MRTFB: variants seen among roughly 807,000 people sequenced by gnomAD.
MRTFB encodes the protein myocardin related transcription factor B.
In MRTFB, 29 loss-of-function variants were observed where a neutral mutation model predicts 104.2. The ratio of observed to expected loss-of-function variants is 0.28; its 90% CI spans 0.21 to 0.38. MRTFB has a LOEUF of 0.38. Among genes scored for constraint, MRTFB ranks in the 10% least tolerant of loss-of-function variants. The pLI, the probability that MRTFB is intolerant of heterozygous loss-of-function variation, is 1.00. For missense variants in MRTFB, 1,270 were observed against 1,341.6 expected (o/e 0.95, Z 0.83); for synonymous variants, 535 against 519.5 (o/e 1.03, Z -0.41).
At chr16:14,066,256 AT>A in the MRTFB span, among the ~76,000 whole-genome samples, 1,479 of 150,292 alleles carry the variant, frequency 9.8e-3, 23 homozygotes, top group African/African-American at 0.034. Context: ...ATTTTTATTG[AT>A]TTTTTTATTT....
chr16:14,256,126 A>G (rs2043472449), intron 15 of MRTFB, among the ~76,000 whole-genome samples: 1 of 145,470 alleles, frequency 6.9e-6, no homozygotes, highest in Admixed American at 6.7e-5. Context: ...AAAAAAAAAG[A>G]AAGAAAGAAA....
intron 2 of MRTFB, among the ~76,000 whole-genome samples, chr16:14,114,895 C>T (rs1004712514): frequency 2.0e-5 from 3 of 152,154 alleles, no homozygotes; most frequent in Non-Finnish European, 2.9e-5. Context: ...TCTTGTTAAT[C>T]GCTGTATTTT....
intron 9 of MRTFB, among the ~76,000 whole-genome samples, chr16:14,237,038 G>A (rs995546638): frequency 1.3e-5 from 2 of 152,220 alleles, no homozygotes; most frequent in African/African-American, 4.8e-5. Context: ...GCCACGTCCT[G>A]TAATGGAAAG....
chr16:14,093,535 G>A (rs2035200359), intron 2 of MRTFB, among the ~76,000 whole-genome samples: 1 of 152,066 alleles, frequency 6.6e-6, no homozygotes. Context: ...AACTCAAATC[G>A]AGTTACAGCA....
At chr16:14,109,525 C>T (rs2036163710) in intron 2 of MRTFB, among the ~76,000 whole-genome samples, 1 of 152,120 alleles carries the variant, frequency 6.6e-6, no homozygotes, top group South Asian at 2.1e-4. Context: ...GTACTTAATA[C>T]GTTCAAATAG....
rs1033154818 is a variant in MRTFB at position 14,263,885 on chromosome 16, G to T, written c.*2441G>T. 1 of 152,180 alleles carries T rather than the reference G, an allele frequency of 6.6e-6. No individual in the cohort carries two copies. The highest frequency in any genetic ancestry group is 6.6e-5 in the Admixed American group (1 of 15,266). 9.4% of individuals were successfully genotyped at this position (152,180 alleles called of 1,614,324 possible). On this transcript the variant is annotated 3_prime_UTR_variant, in exon 17 of 17. Transcript: ENST00000571589. ...TCCTCTCTCCTGGCTTGGGTCACCA[G>T]CCAGGCACCTGTGACACGAGTGCTG...
intron 3 of MRTFB, chr16:14,200,824 GT>G: frequency 6.8e-7 from 1 of 1,470,276 alleles, no homozygotes; most frequent in Middle Eastern, 1.7e-4. Flanking sequence ...GTTGGCGGTG[GT>G]TATCGTGGGT....
chr16:14,022,776 G>T, the MRTFB span, among the ~76,000 whole-genome samples: 1 of 134,176 alleles, frequency 7.5e-6, no homozygotes, highest in Non-Finnish European at 1.5e-5. Context: ...TTGAGACAAG[G>T]TCTCACTCTG....
intron 3 of MRTFB, among the ~76,000 whole-genome samples, chr16:14,158,217 A>G (rs1434988086): frequency 3.3e-5 from 5 of 152,314 alleles, no homozygotes; most frequent in Admixed American, 1.3e-4. Flanking sequence ...TTATAGATCC[A>G]CCTACAAACA....
intron 8 of MRTFB, among the ~76,000 whole-genome samples, chr16:14,221,539 A>C (rs1325822407): frequency 1.3e-5 from 2 of 152,206 alleles, no homozygotes; most frequent in African/African-American, 4.8e-5. Flanking sequence ...CTTTAGAATT[A>C]CCATCATACC....
the MRTFB span, among the ~76,000 whole-genome samples, chr16:14,025,430 A>G: frequency 6.6e-6 from 1 of 152,178 alleles, no homozygotes; most frequent in East Asian, 1.9e-4. Context: ...GGCCAGTTGT[A>G]TCTTAGTTTG....
chr16:14,190,653 GTTAA>G (rs57108629), intron 3 of MRTFB, among the ~76,000 whole-genome samples: 4,049 of 152,294 alleles, frequency 0.027, 188 homozygotes, highest in African/African-American at 0.092. Flanking sequence ...CAAGTTGTGT[GTTAA>G]TTACTTTGAC....
At chr16:14,244,795 T>C (rs1490143065) in intron 10 of MRTFB, among the ~76,000 whole-genome samples, 4 of 152,222 alleles carry the variant, frequency 2.6e-5, no homozygotes, top group African/African-American at 7.2e-5. Flanking sequence ...ACTCTAGATA[T>C]GAGGTCTTTG....
chr16:14,240,621 TCA>T lies in MRTFB; in HGVS notation c.1079+142_1079+143del, dbSNP rs200754172. The T allele has an allele frequency of 6.8e-3, 9,596 of 1,415,114 alleles. 421 individuals carry two copies. The African/African-American group carries it at 0.1, about 15-fold the overall frequency. The allele number at this position is 1,415,114 out of a possible 1,614,324, so 87.7% of individuals were successfully genotyped here. A position where few individuals can be genotyped will look rare whatever the true frequency, so the allele number is the denominator to read the frequency against. On this transcript the variant is annotated intron_variant, in intron 10 of 16. Coordinates refer to ENST00000571589, the MANE Select transcript of MRTFB (RefSeq NM_001308142.2). The stretch of plus-strand genomic sequence containing the variant: ...TTCATTTCTTTGTTATCAGAGCTTA[TCA>T]CACAGTGTCTGAAGTCCACATGGTG...
intron 2 of MRTFB, among the ~76,000 whole-genome samples, chr16:14,101,899 A>G (rs955053962): frequency 1.3e-5 from 2 of 152,210 alleles, no homozygotes; most frequent in African/African-American, 4.8e-5. Flanking sequence ...GCCTAATGTA[A>G]TAACATCTTC....
At chr16:14,186,825 G>A in intron 3 of MRTFB, 4 of 1,583,188 alleles carry the variant, frequency 2.5e-6, no homozygotes, top group African/African-American at 1.3e-5. Context: ...GGGACCCAGG[G>A]ACCAGAGTGT....
chr16:14,011,272 G>C, the MRTFB span, among the ~76,000 whole-genome samples: 1 of 152,258 alleles, frequency 6.6e-6, no homozygotes, highest in Non-Finnish European at 1.5e-5. Context: ...GACTCAGGAA[G>C]AAAGCAGCTG....
At chr16:14,085,635 A>G (rs1011156539) in intron 2 of MRTFB, among the ~76,000 whole-genome samples, 1 of 152,002 alleles carries the variant, frequency 6.6e-6, no homozygotes, top group Non-Finnish European at 1.5e-5. Context: ...TACATCCAGC[A>G]CCTAATATAA....
At chr16:14,043,006 C>T in the MRTFB span, among the ~76,000 whole-genome samples, 21 of 152,256 alleles carry the variant, frequency 1.4e-4, no homozygotes, top group African/African-American at 4.3e-4. Flanking sequence ...GTCAGATTTA[C>T]GGGTAGCCCG....
Sources: allele counts gnomAD v4.1 joint callset (sites outside exome capture counted in the v4.1 genomes callset), GRCh38; gene constraint gnomAD v4.1.1; transcripts MANE v1.5; gene names NCBI Gene and HGNC (gene_info 2026-07-23, HGNC 2026-07-21).